The following CACNA1E variants were observed in gnomAD, a reference collection of about 807,000 sequenced individuals.
CACNA1E encodes voltage-dependent R-type calcium channel subunit alpha-1E.
In CACNA1E, 40 loss-of-function variants were observed where a neutral mutation model predicts 259.2. The observed-to-expected ratio is 0.15, with a 90% CI of 0.12 to 0.20. The LOEUF is 0.20. CACNA1E is among the 10% of genes least tolerant of loss of function. CACNA1E has a pLI of 1.00. For synonymous variants in CACNA1E, 1,104 were observed against 1,138.5 expected, an observed-to-expected ratio of 0.97 and a Z score of 0.61; for missense variants, 1,874 against 3,040.1, an observed-to-expected ratio of 0.62 and a Z score of 9.02.
intron 1 of CACNA1E, among the ~76,000 whole-genome samples, chr1:181,360,849 T>C (rs1571661144): frequency 6.6e-6 from 1 of 152,178 alleles, no homozygotes; most frequent in African/African-American, 2.4e-5. Context: ...TACTACCATA[T>C]GTGGCTCAGC....
intron 3 of CACNA1E, among the ~76,000 whole-genome samples, chr1:181,522,139 G>A (rs927399034): frequency 2.0e-5 from 3 of 152,176 alleles, no homozygotes; most frequent in East Asian, 1.9e-4. Flanking sequence ...TAGGGAAATA[G>A]GATTAAAGTC....
At chr1:181,375,804 C>A (rs1274290119) in intron 1 of CACNA1E, among the ~76,000 whole-genome samples, 4 of 152,176 alleles carry the variant, frequency 2.6e-5, no homozygotes, top group Admixed American at 2.0e-4. Flanking sequence ...TTTCCTGATT[C>A]CCTTGATGAG....
intron 3 of CACNA1E, among the ~76,000 whole-genome samples, chr1:181,572,089 C>A (rs1375321474): frequency 6.6e-6 from 1 of 152,138 alleles, no homozygotes; most frequent in African/African-American, 2.4e-5. Flanking sequence ...TGGCTGGCAA[C>A]CCTGAACCTA....
intron 1 of CACNA1E, among the ~76,000 whole-genome samples, chr1:181,372,467 A>G (rs1654770998): frequency 6.6e-6 from 1 of 152,136 alleles, no homozygotes; most frequent in Non-Finnish European, 1.5e-5. Context: ...AACTTTACTG[A>G]AATTGTTTAT....
At position 181,751,548 on chromosome 1, in the gene CACNA1E, T is replaced by C. The variant is rs116141401; in HGVS notation, c.3732-595T>C. On this transcript the variant is annotated intron_variant, in intron 26 of 47. Coordinates refer to ENST00000367573, the MANE Select transcript of CACNA1E (RefSeq NM_001205293.3). ...TCTGGAACACGTGGCCCAGTGAGAG[T>C]GTCATGTCTGCCACCCTGCCTCACC... Among the ~76,000 whole-genome samples, 411 of 152,180 alleles carry C rather than the reference T, an allele frequency of 2.7e-3. 2 individuals carry two copies. In the Middle Eastern group the frequency reaches 0.037, roughly 14 times the overall value.
intron 1 of CACNA1E, among the ~76,000 whole-genome samples, chr1:181,336,190 A>C (rs1651698774): frequency 6.6e-6 from 1 of 152,230 alleles, no homozygotes; most frequent in Admixed American, 6.5e-5. Flanking sequence ...CTAAGTGGTG[A>C]GATTCTTAAA....
chr1:181,451,484 G>A (rs138252940), intron 2 of CACNA1E, among the ~76,000 whole-genome samples: 1 of 152,016 alleles, frequency 6.6e-6, no homozygotes, highest in African/African-American at 2.4e-5. Flanking sequence ...TCAGGAGTTC[G>A]AGACCAGCCT....
rs139756280 is a variant in CACNA1E, at chr1:181,450,222, C to T, written c.435-33522C>T. Among the ~76,000 whole-genome samples, 118 of 152,282 alleles carry T rather than the reference C, an allele frequency of 7.7e-4. 3 individuals carry two copies. In the East Asian group the frequency reaches 0.022, roughly 28 times the overall value. On this transcript the variant is annotated intron_variant, in intron 2 of 11. Coordinates refer to the CACNA1E transcript ENST00000524607. ...AAGGGGGAAGTCTGCCCCCATGGTC[C>T]AACCTTCTCCCACCAGGTGCCCTCC... is the stretch of plus-strand genomic sequence containing the variant.
At chr1:181,542,922 CCTT>C (rs549079022) in intron 3 of CACNA1E, among the ~76,000 whole-genome samples, 88 of 149,004 alleles carry the variant, frequency 5.9e-4, no homozygotes, top group Non-Finnish European at 1.1e-3. Flanking sequence ...TACTAGATCT[CCTT>C]CTTGGAAATA....
At chr1:181,736,564 C>G in intron 22 of CACNA1E, 130 bp downstream of exon 22, 9 of 842,758 alleles carry the variant, frequency 1.1e-5, no homozygotes, top group Non-Finnish European at 1.6e-5. Context: ...TGGAGCATGG[C>G]CAGACATTGA....
At chr1:181,500,837 C>T (rs2102562342) in intron 1 of CACNA1E, among the ~76,000 whole-genome samples, 1 of 152,288 alleles carries the variant, frequency 6.6e-6, no homozygotes, top group South Asian at 2.1e-4. Flanking sequence ...AACATTCTCC[C>T]ACAGGTGATC....
At chr1:181,699,051 T>C (rs1180500843) in intron 7 of CACNA1E, among the ~76,000 whole-genome samples, 1 of 152,202 alleles carries the variant, frequency 6.6e-6, no homozygotes, top group African/African-American at 2.4e-5. Flanking sequence ...GTGTACAGCT[T>C]GTTTTCAGAA....
At position 181,804,309 on chromosome 1, in the gene CACNA1E, T is replaced by A. The variant is rs1358174139; in HGVS notation, c.*5475T>A. 2.6e-5 allele frequency: 4 copies of A among 152,172 alleles called. No individual in the cohort carries two copies. The highest frequency in any genetic ancestry group is 4.4e-5 in the Non-Finnish European group (3 of 68,028). 9.4% of individuals were successfully genotyped at this position (152,172 alleles called of 1,614,324 possible). On this transcript the variant is annotated 3_prime_UTR_variant, in exon 48 of 48. Transcript: ENST00000367573. ...CAAATTTAGTGATATGATATTTGAG[T>A]CAAAAATCTGAGGTTATAGTACCAG... is the stretch of plus-strand genomic sequence containing the variant.
At chr1:181,553,289 T>C (rs182139342) in intron 3 of CACNA1E, among the ~76,000 whole-genome samples, 69 of 152,364 alleles carry the variant, frequency 4.5e-4, no homozygotes, top group Non-Finnish European at 1.5e-4. Flanking sequence ...TCATTCATGA[T>C]TCGGCTCTCT....
intron 4 of CACNA1E, among the ~76,000 whole-genome samples, chr1:181,578,205 C>A (rs1308956929): frequency 6.6e-6 from 1 of 152,048 alleles, no homozygotes; most frequent in African/African-American, 2.4e-5. Flanking sequence ...TAATTGAAAT[C>A]GTTATGTAGA....
At chr1:181,478,661 GC>G (rs1390443568), upstream of CACNA1E, among the ~76,000 whole-genome samples, 2 of 152,216 alleles carry the variant, frequency 1.3e-5, no homozygotes, top group Non-Finnish European at 2.9e-5. Flanking sequence ...AGATGAAGGA[GC>G]AGGCCTGGTG....
intron 1 of CACNA1E, among the ~76,000 whole-genome samples, chr1:181,393,733 C>T (rs1656457435): frequency 6.6e-6 from 1 of 152,206 alleles, no homozygotes; most frequent in Non-Finnish European, 1.5e-5. Flanking sequence ...GCTGGGATTA[C>T]CGGCGTGTGC....
intron 7 of CACNA1E, among the ~76,000 whole-genome samples, chr1:181,706,603 A>G (rs906376546): frequency 6.6e-6 from 1 of 152,238 alleles, no homozygotes; most frequent in Non-Finnish European, 1.5e-5. Flanking sequence ...TACTGTCTCA[A>G]TGAAAAGGAT....
At chr1:181,403,418 G>A (rs1286952586) in intron 1 of CACNA1E, among the ~76,000 whole-genome samples, 1 of 151,598 alleles carries the variant, frequency 6.6e-6, no homozygotes, top group Non-Finnish European at 1.5e-5. Flanking sequence ...TAACCCAATT[G>A]CACTGTTCAC....
Sources: gnomAD v4.1 joint callset for allele counts (sites outside exome capture counted in the v4.1 genomes callset) on GRCh38, gnomAD v4.1.1 for gene constraint, MANE v1.5 for transcripts, NCBI Gene and HGNC (gene_info 2026-07-23, HGNC 2026-07-21) for gene names.